Variants in ZPLD1 observed in about 807,000 individuals in gnomAD.
The protein encoded by ZPLD1 is zona pellucida like domain containing 1.
Under a neutral mutation model 47.2 loss-of-function variants are expected in ZPLD1, and 34 were observed. The observed-to-expected ratio is 0.72, with a 90% confidence interval of 0.55 to 0.96. The LOEUF (loss-of-function observed/expected upper bound fraction) is 0.96, where lower values mean the gene tolerates loss of function less well. Among genes scored for constraint, ZPLD1 ranks in the 40% least tolerant of loss-of-function variants. ZPLD1 has a pLI of 0.00. For missense variants in ZPLD1, 512 were observed against 505.8 expected (o/e 1.01, Z -0.12); for synonymous variants, 176 against 186.2 (o/e 0.95, Z 0.45).
intron 6 of ZPLD1, among the ~76,000 whole-genome samples, chr3:102,390,413 G>C (rs1327051806): frequency 6.6e-6 from 1 of 152,110 alleles, no homozygotes; most frequent in Non-Finnish European, 1.5e-5. Flanking sequence ...GCGTTCACAA[G>C]ATTTACTGAG....
intron 7 of ZPLD1, among the ~76,000 whole-genome samples, chr3:102,416,285 T>C (rs545841771): frequency 6.6e-6 from 1 of 151,960 alleles, no homozygotes; most frequent in Non-Finnish European, 1.5e-5. Flanking sequence ...TACTACTGTC[T>C]TTTTAGCTAA....
intron 7 of ZPLD1, among the ~76,000 whole-genome samples, chr3:102,413,122 A>T (rs1706764402): frequency 6.6e-6 from 1 of 151,806 alleles, no homozygotes. Context: ...CTTAGTTTTT[A>T]TCAAGAATAT....
rs530338767 is a variant in ZPLD1, at chr3:102,386,039, T to C, written c.-213+722T>C. Among the ~76,000 whole-genome samples, 215 of 152,348 alleles carry C rather than the reference T, an allele frequency of 1.4e-3. 2 individuals are homozygous for C. Among genetic ancestry groups the C allele is most frequent in the Admixed American group, 1.4e-3 (21 of 15,308 alleles). ...GGTAGTGTCTCTGTGTTGATTGTTA[T>C]GTTTTTATCTCTTGCAAGAAATCAT... On this transcript the variant is annotated intron_variant, in intron 6 of 17. Coordinates refer to the ZPLD1 transcript ENST00000491959.
chr3:102,447,091 G>C (rs1707267832), intron 3 of ZPLD1, among the ~76,000 whole-genome samples: 2 of 151,976 alleles, frequency 1.3e-5, no homozygotes, highest in Admixed American at 1.3e-4. Context: ...CTTTGAGACA[G>C]AGTCTCGCTC....
intron 7 of ZPLD1, 104 bp downstream of exon 7, chr3:102,462,482 A>G: frequency 2.9e-6 from 2 of 689,190 alleles, no homozygotes; most frequent in South Asian, 4.1e-5. Flanking sequence ...GTTTGAAAAT[A>G]TTATCATTGC....
upstream of ZPLD1, chr3:102,434,985 G>A: frequency 1.0e-6 from 1 of 982,508 alleles, no homozygotes; most frequent in Admixed American, 2.1e-5. Flanking sequence ...GGGAGCCTGA[G>A]CAGCCAGGAT....
At position 102,435,151 on chromosome 3, in the gene ZPLD1, G is replaced by T; in HGVS notation, c.-126G>T. On this transcript the variant is annotated 5_prime_UTR_variant, in exon 1 of 12. An upstream start codon of the reference 5' UTR is lost. Coordinates refer to ENST00000466937, the MANE Select transcript of ZPLD1 (RefSeq NM_001329788.2). ...GTTTTCCATGTGCAGGGGAAATGAT[G>T]AAGGTAAGGTTGAGGATGGGAAATT... 1 of 1,614,172 alleles carries T rather than the reference G, an allele frequency of 6.2e-7. No individual in the cohort carries two copies. The highest frequency in any genetic ancestry group is 8.5e-7 in the Non-Finnish European group (1 of 1,179,996).
intron 7 of ZPLD1, among the ~76,000 whole-genome samples, chr3:102,409,828 A>G (rs1360083248): frequency 6.6e-6 from 1 of 151,802 alleles, no homozygotes; most frequent in Non-Finnish European, 1.5e-5. Flanking sequence ...AGTCAAATAA[A>G]TCTTCACAAA....
chr3:102,470,932 C>T (rs947870200), intron 10 of ZPLD1, among the ~76,000 whole-genome samples: 1 of 152,024 alleles, frequency 6.6e-6, no homozygotes, highest in African/African-American at 2.4e-5. Flanking sequence ...GCGCCTGCCA[C>T]CATACCTGGC....
intron 2 of ZPLD1, among the ~76,000 whole-genome samples, chr3:102,437,651 C>CA (rs1412771412): frequency 2.0e-5 from 3 of 152,146 alleles, no homozygotes; most frequent in Admixed American, 6.5e-5. Flanking sequence ...TCTATCAGGC[C>CA]AATGAATGGG....
Position 102,457,866 on chromosome 3 carries a change from G to T in ZPLD1, c.582+13G>T, listed in dbSNP as rs557238343. On this transcript the variant is annotated intron_variant, in intron 6 of 11. Transcript: ENST00000466937. ...GCTCCTTTATAACGTAAGTTGATGG[G>T]TGAAGGATGTTATTTTCTCTTTCAC... 2 of 1,613,076 alleles carry T rather than the reference G, an allele frequency of 1.2e-6. No homozygotes were observed. Among genetic ancestry groups the T allele is most frequent in the Non-Finnish European group, 1.7e-6 (2 of 1,179,312 alleles).
intron 8 of ZPLD1, among the ~76,000 whole-genome samples, chr3:102,428,500 T>A (rs1156883649): frequency 3.3e-5 from 5 of 152,032 alleles, no homozygotes; most frequent in Admixed American, 1.3e-4. Context: ...AAAAATTCAA[T>A]AATAATTTTT....
intron 3 of ZPLD1, 140 bp from the exon 4 acceptor site, chr3:102,452,779 C>A: frequency 1.1e-6 from 1 of 916,466 alleles, no homozygotes; most frequent in Non-Finnish European, 1.6e-6. Context: ...TAATAGCTGG[C>A]ACATTGGATT....
intron 8 of ZPLD1, among the ~76,000 whole-genome samples, chr3:102,466,800 T>C (rs1215933659): frequency 1.3e-5 from 2 of 151,270 alleles, no homozygotes; most frequent in South Asian, 2.1e-4. Context: ...AAAAAGAGGA[T>C]TAAGTAAGAA....
At chr3:102,387,487 T>G (rs1351424113) in intron 6 of ZPLD1, among the ~76,000 whole-genome samples, 1 of 152,194 alleles carries the variant, frequency 6.6e-6, no homozygotes, top group Admixed American at 6.5e-5. Flanking sequence ...TGACTTTCTT[T>G]GTCAGAGACC....
At chr3:102,456,691 C>T (rs971408359) in intron 5 of ZPLD1, among the ~76,000 whole-genome samples, 20 of 152,168 alleles carry the variant, frequency 1.3e-4, no homozygotes, top group African/African-American at 4.3e-4. Context: ...CTCTTCACTC[C>T]CTTTGCCCAA....
At chr3:102,393,180 A>C (rs935994059) in intron 7 of ZPLD1, among the ~76,000 whole-genome samples, 2 of 152,168 alleles carry the variant, frequency 1.3e-5, no homozygotes, top group Middle Eastern at 3.2e-3. Context: ...AAGATACAAC[A>C]CCAAAAATTT....
intron 10 of ZPLD1, among the ~76,000 whole-genome samples, chr3:102,475,798 C>A (rs1221019162): frequency 6.6e-6 from 1 of 151,984 alleles, no homozygotes; most frequent in Non-Finnish European, 1.5e-5. Context: ...GACAGCAGAA[C>A]CATCGTTTCT....
chr3:102,418,756 A>C (rs139610305), intron 8 of ZPLD1, among the ~76,000 whole-genome samples: 1,672 of 152,192 alleles, frequency 0.011, 28 homozygotes, highest in Middle Eastern at 0.041. Flanking sequence ...CAATGATGAT[A>C]TGATAATTGA....
Sources: gnomAD v4.1 joint callset for allele counts (sites outside exome capture counted in the v4.1 genomes callset) on GRCh38, gnomAD v4.1.1 for gene constraint, MANE v1.5 for transcripts, NCBI Gene and HGNC (gene_info 2026-07-23, HGNC 2026-07-21) for gene names.